Variants in KCTD15 observed in about 807,000 individuals in gnomAD.
KCTD15 encodes the protein BTB/POZ domain-containing protein KCTD15.
In KCTD15, 11 loss-of-function variants were observed where a neutral mutation model predicts 27.2. That is an observed-to-expected ratio of 0.41 (90% CI 0.25 to 0.67). The LOEUF (loss-of-function observed/expected upper bound fraction) is 0.67. Ranked by LOEUF, KCTD15 falls within the 30% of genes least tolerant of loss-of-function variation. The probability of loss-of-function intolerance (pLI) is 0.35; values close to 1 mark genes in which losing one functional copy is unlikely to be tolerated. For synonymous variants in KCTD15, 163 were observed against 176.0 expected (o/e 0.93, Z 0.58); for missense variants, 350 against 409.3 (o/e 0.86, Z 1.25).
At chr19:33,800,076 A>G (rs946728792) in intron 2 of KCTD15, among the ~76,000 whole-genome samples, 3 of 152,176 alleles carry the variant, frequency 2.0e-5, no homozygotes, top group Admixed American at 6.5e-5. Flanking sequence ...AAAGGAAAAT[A>G]CCAGGAAAAT....
At chr19:33,807,440 T>C (rs1975748332) in intron 5 of KCTD15, among the ~76,000 whole-genome samples, 1 of 152,048 alleles carries the variant, frequency 6.6e-6, no homozygotes, top group Non-Finnish European at 1.5e-5. Flanking sequence ...ATGCAAAAAT[T>C]AGGCCTGGAG....
chr19:33,801,120 G>A (rs200512755), intron 3 of KCTD15, 47 bp from the exon 4 acceptor site: 1,035 of 1,530,756 alleles, frequency 6.8e-4, no homozygotes, highest in Non-Finnish European at 8.7e-4. Context: ...AGAAACTCTT[G>A]TGTTCCGCTT....
chr19:33,804,707 A>G (rs1019741207), intron 4 of KCTD15, among the ~76,000 whole-genome samples: 4 of 152,162 alleles, frequency 2.6e-5, no homozygotes, highest in Non-Finnish European at 4.4e-5. Context: ...GCCAGGTCCT[A>G]GGGCCTTTGT....
At chr19:33,812,558 T>A (rs984153127) in intron 6 of KCTD15, 4 of 1,262,984 alleles carry the variant, frequency 3.2e-6, no homozygotes, top group African/African-American at 1.5e-5. Context: ...GGTGGGGTCG[T>A]CCAACTAGGT....
At chr19:33,797,256 G>A (rs893741328) in intron 1 of KCTD15, 2 of 233,332 alleles carry the variant, frequency 8.6e-6, no homozygotes, top group South Asian at 2.6e-5. Context: ...CGGTGTGTGT[G>A]TGTGTGTGTG....
chr19:33,809,452 G>A (rs1022332636), intron 5 of KCTD15, among the ~76,000 whole-genome samples: 3 of 152,162 alleles, frequency 2.0e-5, no homozygotes, highest in Non-Finnish European at 4.4e-5. Flanking sequence ...GTTGAGGCCC[G>A]GGGTGGACCA....
intron 3 of KCTD15, 80 bp downstream of exon 3, chr19:33,800,600 CT>C: frequency 7.7e-7 from 1 of 1,301,630 alleles, no homozygotes; most frequent in African/African-American, 1.5e-5. Context: ...ACTGGCTGTC[CT>C]TCCTTGGGAC....
intron 3 of KCTD15, 46 bp from the exon 4 acceptor site, chr19:33,801,121 T>G (rs199545895): frequency 6.5e-7 from 1 of 1,531,000 alleles, no homozygotes; most frequent in Admixed American, 1.9e-5. Context: ...GAAACTCTTG[T>G]GTTCCGCTTT....
chr19:33,811,592 G>T (rs115665780), intron 6 of KCTD15, 40 bp downstream of exon 6: 2 of 1,572,400 alleles, frequency 1.3e-6, no homozygotes, highest in Middle Eastern at 1.7e-4. Context: ...CGCACCCCCG[G>T]CGTCCGCGGA....
At position 33,812,945 on chromosome 19, in the gene KCTD15, C is replaced by G. The variant is rs1180389502; in HGVS notation, c.849C>G (p.Asp283Glu). The G allele has an allele frequency of 2.6e-6, 4 of 1,544,812 alleles. No individual in the cohort carries two copies. The South Asian group carries it at 3.6e-5, about 14-fold the overall frequency. ...TTCGAATCAAGCAGGAACCCCTGGACTAGGCCCTGCTTCAGTGCCCACCTG... is the reference window on the plus strand; with the variant it reads ...TTCGAATCAAGCAGGAACCCCTGGAGTAGGCCCTGCTTCAGTGCCCACCTG... ...TAVRIKQEPL[D>E] The change falls in exon 7 of 7, where the codon GAC (aspartate) becomes GAG (glutamate). Residue 283 changes from aspartate to glutamate, a missense_variant. By Grantham distance (45) the Asp-to-Glu change is conservative. Coordinates refer to ENST00000683859, the MANE Select transcript of KCTD15 (RefSeq NM_001129994.2).
chr19:33,803,196 G>A (rs1453958784), intron 4 of KCTD15, among the ~76,000 whole-genome samples: 1 of 152,212 alleles, frequency 6.6e-6, no homozygotes, highest in African/African-American at 2.4e-5. Context: ...CTGTAGGCCT[G>A]AAGCTTTGGA....
chr19:33,807,066 C>A, intron 5 of KCTD15, 59 bp downstream of exon 5: 1 of 1,541,082 alleles, frequency 6.5e-7, no homozygotes, highest in Non-Finnish European at 8.8e-7. Context: ...ACACAGGGGA[C>A]GCTGTGACTT....
intron 5 of KCTD15, among the ~76,000 whole-genome samples, chr19:33,807,551 G>A (rs1047672936): frequency 3.3e-5 from 5 of 152,122 alleles, no homozygotes; most frequent in African/African-American, 7.2e-5. Context: ...GTGAAACACC[G>A]TCTCTGCTAA....
rs1026569669 is a variant in KCTD15 at position 33,812,734 on chromosome 19, A to G, written c.694-56A>G. ...CAGGCACCCACCTCCCTGCCAGGCCAAGCCAGGTGTCCTCTTGCAGCTTGG... is the reference window on the plus strand; with the variant it reads ...CAGGCACCCACCTCCCTGCCAGGCCGAGCCAGGTGTCCTCTTGCAGCTTGG... On this transcript the variant is annotated intron_variant, in intron 6 of 6. Coordinates refer to ENST00000683859, the MANE Select transcript of KCTD15 (RefSeq NM_001129994.2). The G allele has an allele frequency of 1.7e-5, 24 of 1,398,776 alleles. No individual in the cohort carries two copies. In the African/African-American group the frequency reaches 3.4e-4, roughly 20 times the overall value. The allele number at this position is 1,398,776 out of a possible 1,614,324, so 86.6% of individuals were successfully genotyped here. A position where few individuals can be genotyped will look rare whatever the true frequency, so the allele number is the denominator to read the frequency against.
rs768604835 is a variant in KCTD15 at position 33,797,275 on chromosome 19, TGTGTGTGTGCGC to T, written c.-127+290_-127+301del. The T allele has an allele frequency of 5.6e-4, 149 of 265,416 alleles. 7 individuals are homozygous for T. The highest frequency in any genetic ancestry group is 1.3e-3 in the African/African-American group (43 of 33,754). The allele number at this position is 265,416 out of a possible 1,614,324, so 16.4% of individuals were successfully genotyped here. A position where few individuals can be genotyped will look rare whatever the true frequency, so the allele number is the denominator to read the frequency against. ...GTGTGTGTGTGTGTGTGTGTGTGTG[TGTGTGTGTGCGC>T]GCGCGCGCGCGCGCGCTTGTGGAGG... On this transcript the variant is annotated intron_variant, in intron 1 of 6. Transcript: ENST00000683859.
At chr19:33,808,194 C>T (rs935510394) in intron 5 of KCTD15, among the ~76,000 whole-genome samples, 4 of 152,206 alleles carry the variant, frequency 2.6e-5, no homozygotes, top group Non-Finnish European at 5.9e-5. Context: ...GTCTGTCCTT[C>T]CTTCCTTCAT....
chr19:33,804,812 C>T (rs570555508), intron 4 of KCTD15, among the ~76,000 whole-genome samples: 192 of 152,278 alleles, frequency 1.3e-3, no homozygotes, highest in South Asian at 8.1e-3. Flanking sequence ...CAGGGCTCAT[C>T]GGCCTTTGGA....
chr19:33,803,125 C>G (rs1975610442), intron 4 of KCTD15, among the ~76,000 whole-genome samples: 1 of 152,234 alleles, frequency 6.6e-6, no homozygotes, highest in Admixed American at 6.5e-5. Flanking sequence ...TTCCCCAGGG[C>G]TGGGGCTCAA....
chr19:33,802,192 G>A (rs991068673), intron 4 of KCTD15, among the ~76,000 whole-genome samples: 8 of 151,128 alleles, frequency 5.3e-5, no homozygotes, highest in African/African-American at 7.4e-5. Flanking sequence ...TTGCTCAGCC[G>A]AGGATGTTTG....
Sources: allele counts gnomAD v4.1 joint callset (sites outside exome capture counted in the v4.1 genomes callset), GRCh38; gene constraint gnomAD v4.1.1; transcripts MANE v1.5; gene names NCBI Gene and HGNC (gene_info 2026-07-23, HGNC 2026-07-21).